Variants in OR5B2 observed in about 807,000 individuals in gnomAD.
The protein encoded by OR5B2 is olfactory receptor family 5 subfamily B member 2.
For synonymous variants in OR5B2, 163 were observed against 140.8 expected (o/e 1.16, Z -1.11); for missense variants, 411 against 367.0 (o/e 1.12, Z -0.98).
chr11:58,425,677 A>G (rs1855328349), intron 2 of OR5B2, among the ~76,000 whole-genome samples: 2 of 152,148 alleles, frequency 1.3e-5, no homozygotes, highest in South Asian at 2.1e-4. Context: ...TAAATTAAAT[A>G]TAACTGCTAT....
At chr11:58,425,408 A>C (rs1408252666) in intron 2 of OR5B2, among the ~76,000 whole-genome samples, 2 of 152,106 alleles carry the variant, frequency 1.3e-5, no homozygotes, top group African/African-American at 2.4e-5. Flanking sequence ...GAAATAATAT[A>C]GTATCTATAG....
intron 2 of OR5B2, among the ~76,000 whole-genome samples, chr11:58,424,159 AT>A (rs1408962583): frequency 6.6e-6 from 1 of 152,174 alleles, no homozygotes; most frequent in East Asian, 1.9e-4. Flanking sequence ...TCAAGGCATT[AT>A]TTTGAAAATT....
At chr11:58,427,148 G>A (rs1352447953) in intron 1 of OR5B2, among the ~76,000 whole-genome samples, 1 of 152,102 alleles carries the variant, frequency 6.6e-6, no homozygotes, top group Non-Finnish European at 1.5e-5. Flanking sequence ...GAATTTGAAC[G>A]TACATAAAGT....
intron 2 of OR5B2, among the ~76,000 whole-genome samples, chr11:58,424,507 G>A (rs1014195392): frequency 6.6e-5 from 10 of 151,814 alleles, no homozygotes; most frequent in African/African-American, 1.5e-4. Context: ...GCTTGGTTTC[G>A]CAGCATCTCC....
At chr11:58,423,696 G>C (rs578038498) in intron 2 of OR5B2, among the ~76,000 whole-genome samples, 1 of 152,098 alleles carries the variant, frequency 6.6e-6, no homozygotes, top group Non-Finnish European at 1.5e-5. Context: ...AATATAATGA[G>C]GTTGATTCGT....
intron 1 of OR5B2, among the ~76,000 whole-genome samples, chr11:58,427,466 T>A (rs1855351059): frequency 6.6e-6 from 1 of 152,136 alleles, no homozygotes; most frequent in Admixed American, 6.6e-5. Flanking sequence ...AGATTATAGG[T>A]TGTATAAACA....
chr11:58,422,846 C>A lies in OR5B2; in HGVS notation c.416G>T (p.Gly139Val). 6.2e-7 allele frequency: 1 copy of A among 1,613,710 alleles called. No individual in the cohort carries two copies. Among genetic ancestry groups the A allele is most frequent in the Non-Finnish European group, 8.5e-7 (1 of 1,179,818 alleles). The change falls in exon 3 of 3, where the codon GGT (glycine) becomes GTT (valine). Residue 139 changes from glycine to valine, a missense_variant. Coordinates refer to ENST00000641342, the MANE Select transcript of OR5B2 (RefSeq NM_001005566.3). ...ATATGAGCCTAGGGCCAGACAGGCA[C>A]CTACACTGGCCGTCATGGTGGTGGT... ...HYTTTMTASV[G>V]ACLALGSYVC...
chr11:58,427,488 C>G (rs4367960), intron 1 of OR5B2, among the ~76,000 whole-genome samples: 32,955 of 152,050 alleles, frequency 0.22, 3,559 homozygotes, highest in Middle Eastern at 0.31. Flanking sequence ...TTACGCACTT[C>G]AGTTCTCTCA....
At chr11:58,423,649 C>A (rs1337268414) in intron 2 of OR5B2, among the ~76,000 whole-genome samples, 1 of 152,114 alleles carries the variant, frequency 6.6e-6, no homozygotes, top group Non-Finnish European at 1.5e-5. Flanking sequence ...CTGGGAACCG[C>A]TCTAGGCAAT....
Position 58,422,359 on chromosome 11 carries a change from T to C in OR5B2, c.903A>G (p.Lys301=). Reference sequence around the variant, plus strand: ...ATAGAAATTTTTGCCTTCTCAACACTTTCTTGAATGCATTCTGGACTTCTC... The same window carrying C: ...ATAGAAATTTTTGCCTTCTCAACACCTTCTTGAATGCATTCTGGACTTCTC... ...RNREVQNAFK[K]VLRRQKFL is the part of the protein sequence containing the mutation. Residue 301 remains lysine, a synonymous_variant, in exon 3 of 3, where the codon AAA becomes AAG. Coordinates refer to ENST00000641342, the MANE Select transcript of OR5B2 (RefSeq NM_001005566.3). 6.2e-7 allele frequency: 1 copy of C among 1,608,790 alleles called. No individual in the cohort carries two copies. The highest frequency in any genetic ancestry group is 1.1e-5 in the South Asian group (1 of 90,780).
Position 58,421,610 on chromosome 11 carries a change from G to T in OR5B2, c.*722C>A, listed in dbSNP as rs1482455003. ...TATGATACTATAATGATAAATAGAT[G>T]TCATTATACATTTATTCAAATCCAT... On this transcript the variant is annotated 3_prime_UTR_variant, in exon 3 of 3. Transcript: ENST00000641342. 1 of 152,098 alleles carries T rather than the reference G, an allele frequency of 6.6e-6. No homozygotes were observed. The highest frequency in any genetic ancestry group is 1.5e-5 in the Non-Finnish European group (1 of 68,004). The allele number at this position is 152,098 out of a possible 1,614,324, so 9.4% of individuals were successfully genotyped here.
intron 2 of OR5B2, among the ~76,000 whole-genome samples, chr11:58,424,407 T>A (rs1293572582): frequency 6.6e-6 from 1 of 152,162 alleles, no homozygotes; most frequent in Non-Finnish European, 1.5e-5. Context: ...ATTCTCATTC[T>A]GTCTTTTTTT....
At chr11:58,426,525 A>T (rs1855340346) in intron 2 of OR5B2, 97 bp downstream of exon 2, 1 of 152,144 alleles carries the variant, frequency 6.6e-6, no homozygotes, top group Non-Finnish European at 1.5e-5. Flanking sequence ...CTGAACTCTG[A>T]TTACTCAATG....
chr11:58,422,439 A>G lies in OR5B2; in HGVS notation c.823T>C (p.Phe275Leu), dbSNP rs902964238. ...AGCATGGGGATGATCATAGCATAGA[A>G]CACAGATGCCATTTTGTCTGTGTCC... ...SMDTDKMASV[F>L]YAMIIPMLNP... is the part of the protein sequence containing the mutation. The change falls in exon 3 of 3, where the codon TTC (phenylalanine) becomes CTC (leucine). Residue 275 changes from phenylalanine to leucine, a missense_variant. By Grantham distance (22) the Phe-to-Leu change is conservative. Coordinates refer to ENST00000641342, the MANE Select transcript of OR5B2 (RefSeq NM_001005566.3). The G allele has an allele frequency of 6.2e-7, 1 of 1,613,702 alleles. No individual in the cohort carries two copies.
chr11:58,422,717 A>G lies in OR5B2; in HGVS notation c.545T>C (p.Val182Ala). 1 of 1,613,894 alleles carries G rather than the reference A, an allele frequency of 6.2e-7. No individual in the cohort carries two copies. The highest frequency in any genetic ancestry group is 8.5e-7 in the Non-Finnish European group (1 of 1,179,878). ...VHHFFCDVPA[V>A]MALSCSDKHT... ...TTTATCAGAGCAAGACAGAGCCATG[A>G]CTGCTGGAACATCACAGAAAAAGTG... is the stretch of plus-strand genomic sequence containing the variant. Residue 182 changes from valine to alanine, a missense_variant, in exon 3 of 3, where the codon GTC becomes GCC. Coordinates refer to ENST00000641342, the MANE Select transcript of OR5B2 (RefSeq NM_001005566.3).
In OR5B2 at chr11:58,422,982, C is replaced by A; in HGVS notation, c.280G>T (p.Ala94Ser). Residue 94 changes from alanine to serine, a missense_variant, in exon 3 of 3, where the codon GCA (alanine) becomes TCA (serine). Transcript: ENST00000641342. The stretch of plus-strand genomic sequence containing the variant: ...AAGAAGAACATCTGAACAGCACATG[C>A]ATTGTAGGAGATGACCTTGTCTCCT... ...LRGDKVISYN[A>S]CAVQMFFFVA... 6.2e-7 allele frequency: 1 copy of A among 1,613,804 alleles called. No individual in the cohort carries two copies. Among genetic ancestry groups the A allele is most frequent in the Non-Finnish European group, 8.5e-7 (1 of 1,179,828 alleles).
At chr11:58,424,097 C>A (rs1191468606) in intron 2 of OR5B2, among the ~76,000 whole-genome samples, 1 of 152,124 alleles carries the variant, frequency 6.6e-6, no homozygotes, top group East Asian at 1.9e-4. Flanking sequence ...CACTAACTTC[C>A]CTGAACCTTA....
chr11:58,424,746 G>C (rs1855318631), intron 2 of OR5B2, among the ~76,000 whole-genome samples: 1 of 152,022 alleles, frequency 6.6e-6, no homozygotes, highest in Admixed American at 6.6e-5. Context: ...ACTGCCTACT[G>C]TCTTTCCACA....
intron 2 of OR5B2, among the ~76,000 whole-genome samples, chr11:58,424,387 C>A (rs2119940893): frequency 6.6e-6 from 1 of 152,218 alleles, no homozygotes; most frequent in South Asian, 2.1e-4. Context: ...ATTTTCTGTG[C>A]CTCCCAATAA....
Sources: allele counts gnomAD v4.1 joint callset (sites outside exome capture counted in the v4.1 genomes callset), GRCh38; gene constraint gnomAD v4.1.1; transcripts MANE v1.5; gene names NCBI Gene and HGNC (gene_info 2026-07-23, HGNC 2026-07-21).